Variants in DLC1 observed in about 807,000 individuals in gnomAD.
DLC1 encodes the protein DLC1 Rho GTPase activating protein.
Under a neutral mutation model 140.3 loss-of-function variants are expected in DLC1, and 54 were observed. The ratio of observed to expected loss-of-function variants is 0.38; its 90% CI spans 0.31 to 0.48. The LOEUF is 0.48. DLC1 is among the 20% of genes least tolerant of loss of function. The pLI, the probability that DLC1 is intolerant of heterozygous loss-of-function variation, is 0.96. For missense variants in DLC1, 2,536 were observed against 1,907.0 expected (o/e 1.33, Z -6.14); for synonymous variants, 986 against 728.1 (o/e 1.35, Z -5.70).
intron 1 of DLC1, chr8:13,566,836 C>G: frequency 1.0e-6 from 1 of 986,836 alleles, no homozygotes; most frequent in South Asian, 2.0e-5. Context: ...GAGCGGCCCG[C>G]GTTGCCAAGA....
chr8:13,413,874 G>A (rs1052976059), intron 2 of DLC1, among the ~76,000 whole-genome samples: 8 of 152,076 alleles, frequency 5.3e-5, no homozygotes, highest in African/African-American at 1.2e-4. Flanking sequence ...AGTAGTATCT[G>A]TATAGCAATG....
At chr8:13,448,748 A>G (rs1394387355) in intron 2 of DLC1, among the ~76,000 whole-genome samples, 1 of 152,122 alleles carries the variant, frequency 6.6e-6, no homozygotes, top group Non-Finnish European at 1.5e-5. Flanking sequence ...TCAGTGCTTA[A>G]TTTTGCCTTT....
intron 5 of DLC1, among the ~76,000 whole-genome samples, chr8:13,178,480 G>A (rs951690556): frequency 4.6e-5 from 7 of 151,378 alleles, no homozygotes; most frequent in Non-Finnish European, 7.4e-5. Context: ...GCTGAGGCAG[G>A]AGAATGGCGT....
intron 1 of DLC1, among the ~76,000 whole-genome samples, chr8:13,512,966 CTTTTTT>C (rs57239531): frequency 1.4e-5 from 2 of 139,954 alleles, no homozygotes; most frequent in Admixed American, 7.1e-5. Flanking sequence ...ACAGTTTTAC[CTTTTTT>C]TTTTTTTTTT....
chr8:13,223,633 G>T (rs1478494153), intron 5 of DLC1, among the ~76,000 whole-genome samples: 1 of 152,138 alleles, frequency 6.6e-6, no homozygotes, highest in Non-Finnish European at 1.5e-5. Flanking sequence ...ACATTTTTGT[G>T]TAGGAAACTT....
At chr8:13,468,841 A>T (rs137901132) in intron 2 of DLC1, among the ~76,000 whole-genome samples, 6,315 of 63,758 alleles carry the variant, frequency 0.099, 349 homozygotes, top group East Asian at 0.24. Flanking sequence ...TTTTTTTTTA[A>T]GATGGAGTCT....
intron 2 of DLC1, among the ~76,000 whole-genome samples, chr8:13,407,319 AACAG>A (rs1837612878): frequency 6.6e-6 from 1 of 152,184 alleles, no homozygotes; most frequent in Non-Finnish European, 1.5e-5. Flanking sequence ...AGGCTTAAAC[AACAG>A]GAGTCTCCTC....
intron 2 of DLC1, among the ~76,000 whole-genome samples, chr8:13,490,498 C>A (rs777432423): frequency 3.9e-5 from 6 of 152,116 alleles, no homozygotes; most frequent in Non-Finnish European, 7.3e-5. Context: ...ATCCTGTTGG[C>A]ACCACTGTGT....
At chr8:13,243,290 C>CAA (rs56092434) in intron 5 of DLC1, among the ~76,000 whole-genome samples, 10 of 54,338 alleles carry the variant, frequency 1.8e-4, no homozygotes, top group African/African-American at 6.7e-4. Flanking sequence ...GACTCTGTCT[C>CAA]AAAAAAAAAA....
At chr8:13,575,084 C>T (rs533650193) in intron 1 of DLC1, among the ~76,000 whole-genome samples, 30 of 152,150 alleles carry the variant, frequency 2.0e-4, no homozygotes, top group African/African-American at 6.7e-4. Context: ...TGATAATTAC[C>T]CTTTGGAATA....
intron 1 of DLC1, among the ~76,000 whole-genome samples, chr8:13,508,256 A>T (rs1802196326): frequency 6.6e-6 from 1 of 152,204 alleles, no homozygotes; most frequent in African/African-American, 2.4e-5. Context: ...AGATTCTCTT[A>T]ACATTTTCTT....
intron 4 of DLC1, among the ~76,000 whole-genome samples, chr8:13,387,562 G>T (rs953712911): frequency 3.3e-5 from 5 of 151,812 alleles, no homozygotes; most frequent in African/African-American, 4.8e-5. Flanking sequence ...ATGATCATAT[G>T]TATGGGATAT....
chr8:13,595,186 C>T (rs1280142812), intron 1 of DLC1, among the ~76,000 whole-genome samples: 2 of 152,064 alleles, frequency 1.3e-5, no homozygotes, highest in Non-Finnish European at 2.9e-5. Context: ...CAATGGCCCT[C>T]ACTCCTATTC....
At chr8:13,379,030 A>G (rs1836130225) in intron 4 of DLC1, among the ~76,000 whole-genome samples, 1 of 152,212 alleles carries the variant, frequency 6.6e-6, no homozygotes, top group African/African-American at 2.4e-5. Context: ...CAGATATGCA[A>G]TAAATGTTTT....
chr8:13,147,660 C>CTTA, intron 5 of DLC1, among the ~76,000 whole-genome samples: 1 of 152,140 alleles, frequency 6.6e-6, no homozygotes, highest in African/African-American at 2.4e-5. Context: ...GTACAGCATA[C>CTTA]TTATTATTAT....
intron 2 of DLC1, among the ~76,000 whole-genome samples, chr8:13,419,139 A>G (rs1838199528): frequency 6.6e-6 from 1 of 152,214 alleles, no homozygotes; most frequent in Non-Finnish European, 1.5e-5. Flanking sequence ...TTTTCTAGAT[A>G]TACAATCATG....
chr8:13,350,740 T>TAAATAAAAAA (rs1198685170), intron 4 of DLC1, among the ~76,000 whole-genome samples: 2 of 150,868 alleles, frequency 1.3e-5, no homozygotes, highest in African/African-American at 5.0e-5. Context: ...TAAATAAATA[T>TAAATAAAAAA]AAAGAGAAAC....
chr8:13,299,928 C>G (rs1832117965), intron 5 of DLC1, among the ~76,000 whole-genome samples: 1 of 152,148 alleles, frequency 6.6e-6, no homozygotes, highest in South Asian at 2.1e-4. Context: ...AATCGCATTA[C>G]TGGGTATATA....
chr8:13,358,817 C>A (rs774004782), intron 4 of DLC1, among the ~76,000 whole-genome samples: 2 of 152,172 alleles, frequency 1.3e-5, no homozygotes, highest in African/African-American at 4.8e-5. Context: ...GGTATATACT[C>A]AGTGACAAAG....
Sources: allele counts gnomAD v4.1 joint callset (sites outside exome capture counted in the v4.1 genomes callset), GRCh38; gene constraint gnomAD v4.1.1; transcripts MANE v1.5; gene names NCBI Gene and HGNC (gene_info 2026-07-23, HGNC 2026-07-21).